Variants in CHD5 observed in about 807,000 individuals in gnomAD.
The protein encoded by CHD5 is ATP-dependent chromatin remodeler CHD5.
CHD5 carries 69 observed loss-of-function variants against 230.3 expected under a neutral mutation model. The ratio of observed to expected loss-of-function variants is 0.30; its 90% CI spans 0.25 to 0.37. The LOEUF (loss-of-function observed/expected upper bound fraction) is 0.37. CHD5 is among the 10% of genes least tolerant of loss of function. The pLI, the probability that CHD5 is intolerant of heterozygous loss-of-function variation, is 1.00. For missense variants in CHD5, 1,827 were observed against 2,622.8 expected (o/e 0.70, Z 6.63); for synonymous variants, 1,064 against 1,065.9 (o/e 1.00, Z 0.03).
At chr1:6,141,640 A>T (rs1350607763) in intron 15 of CHD5, among the ~76,000 whole-genome samples, 1 of 152,102 alleles carries the variant, frequency 6.6e-6, no homozygotes, top group Non-Finnish European at 1.5e-5. Flanking sequence ...TAAAATAAGT[A>T]GCTAAGATGA....
intron 38 of CHD5, 86 bp downstream of exon 38, chr1:6,109,709 A>G: frequency 8.5e-7 from 1 of 1,173,802 alleles, no homozygotes. Context: ...CCCCTACCCC[A>G]TCAGTGCCCT....
intron 35 of CHD5, 115 bp downstream of exon 35, chr1:6,112,025 A>G (rs1283636352): frequency 2.1e-6 from 3 of 1,419,050 alleles, no homozygotes; most frequent in Non-Finnish European, 2.9e-6. Context: ...GAAAGGTTAT[A>G]CGATGGACTT....
chr1:6,124,670 G>C lies in CHD5; in HGVS notation c.4395-9C>G, dbSNP rs1481090379. On this transcript the variant is annotated splice_polypyrimidine_tract_variant and intron_variant, in intron 29 of 41. Transcript: ENST00000262450. ...AGAGGGACACATAGGCTCTGGGGTG[G>C]GGGGGGGGGACTGGGGCTCAGGGAG... 6 of 1,281,790 alleles carry C rather than the reference G, an allele frequency of 4.7e-6. No individual in the cohort carries two copies. The highest frequency in any genetic ancestry group is 5.4e-6 in the Non-Finnish European group (5 of 927,300). The allele number at this position is 1,281,790 out of a possible 1,614,324, so 79.4% of individuals were successfully genotyped here. A position where few individuals can be genotyped will look rare whatever the true frequency, so the allele number is the denominator to read the frequency against.
At position 6,125,156 on chromosome 1, in the gene CHD5, G is replaced by A; in HGVS notation, c.4338C>T (p.Ala1446=). The change falls in exon 29 of 42, where the codon GCC becomes GCT. Residue 1446 remains alanine (A), a synonymous_variant. Transcript: ENST00000262450. This position sits in a 1 kb window ranked among gnomAD's most constrained non-coding sequence, Gnocchi z 6.7. Reference sequence around the variant, plus strand: ...CCCGCACCAGCCAGTGGGAGTTGAAGGCGTCCTGCGGGGGCATGCCCCAGC... The same window carrying A: ...CCCGCACCAGCCAGTGGGAGTTGAAAGCGTCCTGCGGGGGCATGCCCCAGC... ...IMRWGMPPQD[A]FNSHWLVRDL... is the part of the protein sequence containing the mutation. The A allele has an allele frequency of 1.2e-6, 2 of 1,606,174 alleles. No individual in the cohort carries two copies. The highest frequency in any genetic ancestry group is 1.1e-5 in the South Asian group (1 of 89,442).
At position 6,168,208 on chromosome 1, in the gene CHD5, T is replaced by G; in HGVS notation, c.149A>C (p.Lys50Thr). 1.9e-6 allele frequency: 3 copies of G among 1,612,432 alleles called. No homozygotes were observed. Among genetic ancestry groups the G allele is most frequent in the Non-Finnish European group, 2.5e-6 (3 of 1,178,684 alleles). ...TTCCTTGAGCTTCTTGGGTTTCTTCTTCTTAGGAAGGCTCACGGGCTCCAC... is the reference window on the plus strand; with the variant it reads ...TTCCTTGAGCTTCTTGGGTTTCTTCGTCTTAGGAAGGCTCACGGGCTCCAC... ...FPVEPVSLPK[K>T]KKPKKLKENK... is the part of the protein sequence containing the mutation. The change falls in exon 2 of 42, where the codon AAG becomes ACG. Residue 50 changes from lysine (K) to threonine (T), a missense_variant. Coordinates refer to ENST00000262450, the MANE Select transcript of CHD5 (RefSeq NM_015557.3).
intron 2 of CHD5, among the ~76,000 whole-genome samples, chr1:6,163,676 A>G (rs1287373280): frequency 1.3e-5 from 2 of 152,246 alleles, no homozygotes; most frequent in Non-Finnish European, 2.9e-5. Flanking sequence ...AGGCAGATTC[A>G]CAGTTCAGTA....
In CHD5 at chr1:6,180,043, G is replaced by A; in HGVS notation, c.-20C>T. ...CCGCATGCCCGGCGCGGGGAGGAGG[G>A]GAGGTGGGCGCCCCCCCTCCCGCCG... On this transcript the variant is annotated 5_prime_UTR_variant, in exon 1 of 42. Transcript: ENST00000262450. The A allele has an allele frequency of 7.8e-7, 1 of 1,276,132 alleles. No homozygotes were observed. The highest frequency in any genetic ancestry group is 1.0e-6 in the Non-Finnish European group (1 of 993,804). 79.1% of individuals were successfully genotyped at this position (1,276,132 alleles called of 1,614,324 possible).
intron 2 of CHD5, among the ~76,000 whole-genome samples, chr1:6,161,185 CG>C (rs112620210): frequency 1.3e-5 from 2 of 152,160 alleles, no homozygotes; most frequent in African/African-American, 4.8e-5. Context: ...GCAGCAAAGG[CG>C]GGGGGCCTCC....
intron 2 of CHD5, among the ~76,000 whole-genome samples, chr1:6,165,613 C>T (rs539241493): frequency 1.3e-5 from 2 of 152,134 alleles, no homozygotes; most frequent in South Asian, 4.2e-4. Flanking sequence ...CAAGATTTTA[C>T]AGCCTCCACC....
Position 6,171,787 on chromosome 1 carries a change from C to T in CHD5, c.80-3510G>A, listed in dbSNP as rs80321532. On this transcript the variant is annotated intron_variant, in intron 1 of 41. Coordinates refer to ENST00000262450, the MANE Select transcript of CHD5 (RefSeq NM_015557.3). ...GCCAGTGTTAAGGTGGCATCCTGCCCGTCCCGGGTGAGGGGCTCCAGGGAG... is the reference window on the plus strand; with the variant it reads ...GCCAGTGTTAAGGTGGCATCCTGCCTGTCCCGGGTGAGGGGCTCCAGGGAG... Among the ~76,000 whole-genome samples the T allele has an allele frequency of 6.7e-3, 1,015 of 152,330 alleles. 12 individuals carry two copies. The highest frequency in any genetic ancestry group is 0.023 in the African/African-American group (958 of 41,564).
intron 2 of CHD5, among the ~76,000 whole-genome samples, chr1:6,164,945 G>A (rs1172851965): frequency 3.3e-5 from 5 of 152,160 alleles, no homozygotes; most frequent in Admixed American, 6.5e-5. Flanking sequence ...AGGAGATGCC[G>A]AGAGGTTACC....
chr1:6,134,969 A>G lies in CHD5; in HGVS notation c.2871-110T>C. The G allele has an allele frequency of 7.2e-7, 1 of 1,392,196 alleles. No homozygotes were observed. 86.2% of individuals were successfully genotyped at this position (1,392,196 alleles called of 1,614,324 possible). ...GGTGGCCAAGCACCCATTTACAGAG[A>G]GACCCAAGGGACCCCCAAGAGGTGA... On this transcript the variant is annotated intron_variant, in intron 18 of 41. Coordinates refer to ENST00000262450, the MANE Select transcript of CHD5 (RefSeq NM_015557.3). The surrounding 1 kb of genome is among the most constrained non-coding windows in gnomAD (Gnocchi z 6.3).
At chr1:6,176,684 C>T (rs1052449614) in intron 1 of CHD5, among the ~76,000 whole-genome samples, 1 of 152,198 alleles carries the variant, frequency 6.6e-6, no homozygotes, top group Non-Finnish European at 1.5e-5. Context: ...GTGCTGGGCA[C>T]TGTGGCCTAA....
chr1:6,166,195 T>G (rs1667251848), intron 2 of CHD5, among the ~76,000 whole-genome samples: 1 of 144,250 alleles, frequency 6.9e-6, no homozygotes, highest in East Asian at 2.1e-4. Flanking sequence ...GAAGACAGGG[T>G]GGTACACACA....
intron 33 of CHD5, among the ~76,000 whole-genome samples, chr1:6,117,583 C>T (rs867362973): frequency 6.6e-6 from 1 of 152,024 alleles, no homozygotes; most frequent in Admixed American, 6.6e-5. Context: ...AGAACTCTTA[C>T]AATTCAATAA....
intron 37 of CHD5, 110 bp from the exon 38 acceptor site, chr1:6,110,100 G>A: frequency 9.2e-7 from 1 of 1,092,312 alleles, no homozygotes. Context: ...GAGGGAAAGA[G>A]GACGTACTGC....
intron 1 of CHD5, among the ~76,000 whole-genome samples, chr1:6,177,608 C>A (rs1204728468): frequency 6.6e-6 from 1 of 152,118 alleles, no homozygotes; most frequent in Non-Finnish European, 1.5e-5. Flanking sequence ...CCAGCTTGGG[C>A]AACACAGCAA....
chr1:6,125,885 G>A lies in CHD5; in HGVS notation c.4079-27C>T, dbSNP rs201351394. 2.8e-5 allele frequency: 43 copies of A among 1,563,490 alleles called. No homozygotes were observed. In the African/African-American group the frequency reaches 3.0e-4, roughly 11 times the overall value. ...TGCAGGGGGCCAGACAGAGGGGCAC[G>A]GAGTGAGCTGTACAAGCAAAGCCCA... On this transcript the variant is annotated intron_variant, in intron 26 of 41. Transcript: ENST00000262450. This position sits in a 1 kb window ranked among gnomAD's most constrained non-coding sequence, Gnocchi z 6.7.
In CHD5 at chr1:6,142,060, G is replaced by T; in HGVS notation, c.2436+68C>A. The T allele has an allele frequency of 1.4e-6, 2 of 1,418,284 alleles. No individual in the cohort carries two copies. The highest frequency in any genetic ancestry group is 2.3e-5 in the East Asian group (1 of 43,568). The allele number at this position is 1,418,284 out of a possible 1,614,324, so 87.9% of individuals were successfully genotyped here. A position where few individuals can be genotyped will look rare whatever the true frequency, so the allele number is the denominator to read the frequency against. Reference sequence around the variant, plus strand: ...GCTGAGGGACCCCAAAGGAGTGCACGGCACCCGTGGTCCCTGAACTAGACC... The same window carrying T: ...GCTGAGGGACCCCAAAGGAGTGCACTGCACCCGTGGTCCCTGAACTAGACC... On this transcript the variant is annotated intron_variant, in intron 15 of 41. Transcript: ENST00000262450. This position sits in a 1 kb window ranked among gnomAD's most constrained non-coding sequence, Gnocchi z 5.2.
Sources: gnomAD v4.1 joint callset for allele counts (sites outside exome capture counted in the v4.1 genomes callset) on GRCh38, gnomAD v4.1.1 for gene constraint, Gnocchi (gnomAD v3.1) non-coding constraint, MANE v1.5 for transcripts, NCBI Gene and HGNC (gene_info 2026-07-23, HGNC 2026-07-21) for gene names.